Variants in YAF2 observed in about 807,000 individuals in gnomAD.
YAF2 encodes YY1 associated factor 2.
Under a neutral mutation model 20.1 loss-of-function variants are expected in YAF2, and 7 were observed. The observed-to-expected ratio is 0.35, with a 90% CI of 0.20 to 0.65. The LOEUF is 0.65. Ranked by LOEUF, YAF2 falls within the 30% of genes least tolerant of loss-of-function variation. The pLI, the probability that YAF2 is intolerant of heterozygous loss-of-function variation, is 0.69. For missense variants in YAF2, 151 were observed against 219.2 expected, an observed-to-expected ratio of 0.69 and a Z score of 1.96; for synonymous variants, 74 against 76.0, an observed-to-expected ratio of 0.97 and a Z score of 0.14.
intron 2 of YAF2, among the ~76,000 whole-genome samples, chr12:42,165,890 ATC>A: frequency 6.8e-6 from 1 of 146,184 alleles, no homozygotes. Context: ...ATCTATATCT[ATC>A]TATCTATCTA....
At position 42,158,680 on chromosome 12, in the gene YAF2, G is replaced by A. The variant is rs967067324; in HGVS notation, c.*1909C>T. 3.3e-5 allele frequency: 5 copies of A among 152,160 alleles called. No homozygotes were observed. The highest frequency in any genetic ancestry group is 1.3e-4 in the Admixed American group (2 of 15,272). The allele number at this position is 152,160 out of a possible 1,614,324, so 9.4% of individuals were successfully genotyped here. A position where few individuals can be genotyped will look rare whatever the true frequency, so the allele number is the denominator to read the frequency against. ...CGTGTTCCCGTCTATGTAGAAAGATGAGTATCTTCCCACCTATGTAGAAAT... is the reference window on the plus strand; with the variant it reads ...CGTGTTCCCGTCTATGTAGAAAGATAAGTATCTTCCCACCTATGTAGAAAT... On this transcript the variant is annotated 3_prime_UTR_variant, in exon 4 of 4. Transcript: ENST00000534854.
chr12:42,169,313 T>C (rs186406839), intron 2 of YAF2, among the ~76,000 whole-genome samples: 2 of 152,356 alleles, frequency 1.3e-5, no homozygotes, highest in African/African-American at 4.8e-5. Flanking sequence ...TAGGTCCTTC[T>C]CAGTCATCTT....
intron 2 of YAF2, among the ~76,000 whole-genome samples, chr12:42,218,185 A>AAC (rs71883885): frequency 0.2 from 28,383 of 140,364 alleles, 3,030 homozygotes; most frequent in South Asian, 0.27. Flanking sequence ...GCTACTAGGA[A>AAC]ACACACACAC....
chr12:42,194,340 T>C (rs1057514853), intron 2 of YAF2, among the ~76,000 whole-genome samples: 48 of 152,162 alleles, frequency 3.2e-4, no homozygotes, highest in African/African-American at 1.1e-3. Flanking sequence ...ATACAAGTTG[T>C]GAAGTAAAAT....
intron 2 of YAF2, among the ~76,000 whole-genome samples, chr12:42,219,021 G>A (rs762927572): frequency 2.6e-5 from 4 of 152,168 alleles, no homozygotes; most frequent in Non-Finnish European, 5.9e-5. Flanking sequence ...CCTAGCCTGT[G>A]CTGAACAGAA....
chr12:42,184,839 T>C (rs1332715821), intron 2 of YAF2, among the ~76,000 whole-genome samples: 1 of 152,182 alleles, frequency 6.6e-6, no homozygotes, highest in Non-Finnish European at 1.5e-5. Context: ...TGGTTCAAGA[T>C]TTCAGTGGAG....
At chr12:42,204,701 G>A (rs1055370013) in intron 2 of YAF2, among the ~76,000 whole-genome samples, 1 of 152,088 alleles carries the variant, frequency 6.6e-6, no homozygotes, top group African/African-American at 2.4e-5. Context: ...ACAAAATGTG[G>A]TATATCCACA....
At chr12:42,222,937 CTT>C (rs75277041) in intron 2 of YAF2, among the ~76,000 whole-genome samples, 9 of 140,832 alleles carry the variant, frequency 6.4e-5, no homozygotes, top group East Asian at 2.1e-4. Context: ...CTGCCAAATT[CTT>C]TTTTTTTTTT....
At chr12:42,183,152 G>T (rs1592191628) in intron 2 of YAF2, among the ~76,000 whole-genome samples, 1 of 152,102 alleles carries the variant, frequency 6.6e-6, no homozygotes, top group South Asian at 2.1e-4. Context: ...AACTAAATTG[G>T]TAAGTGTTTG....
intron 2 of YAF2, among the ~76,000 whole-genome samples, chr12:42,207,616 G>A (rs1157195425): frequency 6.6e-6 from 1 of 152,146 alleles, no homozygotes; most frequent in East Asian, 1.9e-4. Context: ...GTGTAGGCTG[G>A]GCACGGTGGC....
At chr12:42,192,164 T>A (rs2066629958) in intron 2 of YAF2, among the ~76,000 whole-genome samples, 1 of 151,984 alleles carries the variant, frequency 6.6e-6, no homozygotes, top group Non-Finnish European at 1.5e-5. Flanking sequence ...AGATAAAACT[T>A]GAGAGATAGG....
chr12:42,191,322 C>T (rs1472305174), intron 2 of YAF2, among the ~76,000 whole-genome samples: 1 of 152,084 alleles, frequency 6.6e-6, no homozygotes, highest in African/African-American at 2.4e-5. Context: ...TTTTTCTCAC[C>T]TGATGTCTAC....
intron 2 of YAF2, among the ~76,000 whole-genome samples, chr12:42,191,784 G>T (rs2066618719): frequency 6.6e-6 from 1 of 152,108 alleles, no homozygotes; most frequent in Admixed American, 6.6e-5. Context: ...GAGTGGGGGT[G>T]AATAAGAATC....
rs752558173 is a variant in YAF2, at chr12:42,237,730, G to A, written c.27-6C>T. The A allele has an allele frequency of 9.0e-6, 14 of 1,549,708 alleles. No individual in the cohort carries two copies. Among genetic ancestry groups the A allele is most frequent in the Middle Eastern group, 1.7e-4 (1 of 5,896 alleles). On this transcript the variant is annotated splice_polypyrimidine_tract_variant and splice_region_variant and intron_variant, in intron 1 of 3. Coordinates refer to ENST00000534854, the MANE Select transcript of YAF2 (RefSeq NM_005748.6). ...GCTTCGGCTGCCGCTTCGGCCTGCA[G>A]GACACAACCCGGACACGACGCGGCG...
At chr12:42,178,881 A>G (rs1348071911) in intron 2 of YAF2, among the ~76,000 whole-genome samples, 3 of 152,030 alleles carry the variant, frequency 2.0e-5, no homozygotes, top group Non-Finnish European at 1.5e-5. Flanking sequence ...TCATCTGAGG[A>G]GCTTTAAAAA....
intron 2 of YAF2, chr12:42,234,750 G>A (rs1006765792): frequency 1.0e-6 from 1 of 970,548 alleles, no homozygotes; most frequent in Non-Finnish European, 1.2e-6. Flanking sequence ...TTCTTTGGGA[G>A]GCCAAGGTAG....
At chr12:42,162,066 T>C (rs910866450) in intron 2 of YAF2, among the ~76,000 whole-genome samples, 1 of 152,176 alleles carries the variant, frequency 6.6e-6, no homozygotes, top group African/African-American at 2.4e-5. Context: ...TCAAAAAAAA[T>C]GGGATGTACC....
intron 2 of YAF2, among the ~76,000 whole-genome samples, chr12:42,183,939 C>A (rs1303137710): frequency 6.6e-6 from 1 of 152,238 alleles, no homozygotes; most frequent in Admixed American, 6.5e-5. Flanking sequence ...CCAATGCTCA[C>A]TGACCATTCC....
At chr12:42,182,243 G>A (rs896936238) in intron 2 of YAF2, among the ~76,000 whole-genome samples, 7 of 152,108 alleles carry the variant, frequency 4.6e-5, no homozygotes, top group African/African-American at 1.7e-4. Context: ...GGAAGCAGAA[G>A]GCATGAAATT....
Sources: allele counts gnomAD v4.1 joint callset (sites outside exome capture counted in the v4.1 genomes callset), GRCh38; gene constraint gnomAD v4.1.1; transcripts MANE v1.5; gene names NCBI Gene and HGNC (gene_info 2026-07-23, HGNC 2026-07-21).